PLA2G6: variants seen among roughly 807,000 people sequenced by gnomAD.
PLA2G6 encodes the protein 85/88 kDa calcium-independent phospholipase A2.
A neutral mutation model predicts 83.8 loss-of-function variants in PLA2G6; 62 were observed. The observed-to-expected ratio is 0.74, with a 90% CI of 0.60 to 0.91. The LOEUF (loss-of-function observed/expected upper bound fraction) is 0.91. Ranked by LOEUF, PLA2G6 falls within the 40% of genes least tolerant of loss-of-function variation. The pLI is 0.00. For missense variants in PLA2G6, 944 were observed against 1,102.0 expected (o/e 0.86, Z 2.03); for synonymous variants, 417 against 449.8 (o/e 0.93, Z 0.92).
intron 4 of PLA2G6, 108 bp downstream of exon 4, chr22:38,142,997 G>A (rs763150145): frequency 3.9e-6 from 4 of 1,017,662 alleles, no homozygotes; most frequent in East Asian, 4.7e-5. Context: ...AAGGACCAAT[G>A]GGGGACAGTG....
intron 14 of PLA2G6, among the ~76,000 whole-genome samples, chr22:38,114,770 C>T (rs191065433): frequency 9.6e-4 from 146 of 152,340 alleles, no homozygotes; most frequent in Non-Finnish European, 1.6e-3. Context: ...CTCAGGCTCC[C>T]GGCAGTGCTG....
chr22:38,115,792 A>G (rs2087154661), intron 13 of PLA2G6, 111 bp from the exon 14 acceptor site: 1 of 1,490,018 alleles, frequency 6.7e-7, no homozygotes, highest in Admixed American at 2.1e-5. Context: ...GGAAGAGGGG[A>G]GGCTGGGAAC....
rs775751955 is a variant in PLA2G6 at position 38,132,780 on chromosome 22, C to T, written c.1077+51G>A. 4 of 1,489,360 alleles carry T rather than the reference C, an allele frequency of 2.7e-6. No individual in the cohort carries two copies. The South Asian group carries it at 3.6e-5, about 14-fold the overall frequency. 92.3% of individuals were successfully genotyped at this position (1,489,360 alleles called of 1,614,324 possible). A position where few individuals can be genotyped will look rare whatever the true frequency, so the allele number is the denominator to read the frequency against. On this transcript the variant is annotated intron_variant, in intron 7 of 16. Transcript: ENST00000332509. This position sits in a 1 kb window ranked among gnomAD's most constrained non-coding sequence, Gnocchi z 5.0. ...GAGGGCTCCAGTCCGGACAGCCCTC[C>T]TGCATTCCCACCGGGGCCCCACAGG... is the stretch of plus-strand genomic sequence containing the variant.
At chr22:38,136,840 C>T (rs2088583809) in intron 5 of PLA2G6, 1 of 144,662 alleles carries the variant, frequency 6.9e-6, no homozygotes. Context: ...GAGCAAATTA[C>T]TTAATCTCTC....
intron 2 of PLA2G6, among the ~76,000 whole-genome samples, chr22:38,161,751 G>T (rs2090020388): frequency 6.6e-6 from 1 of 152,096 alleles, no homozygotes. Context: ...CAGCGAGACA[G>T]CAGCAGGGCT....
At chr22:38,113,898 C>A in intron 14 of PLA2G6, 1 of 624,984 alleles carries the variant, frequency 1.6e-6, no homozygotes. Flanking sequence ...AACAGGACCA[C>A]ACATACACCA....
intron 2 of PLA2G6, among the ~76,000 whole-genome samples, chr22:38,161,559 A>C (rs1360751504): frequency 6.6e-6 from 1 of 152,112 alleles, no homozygotes. Flanking sequence ...GTTATGTAGG[A>C]AAGAGGGGAG....
intron 12 of PLA2G6, among the ~76,000 whole-genome samples, chr22:38,118,055 G>T (rs2087312893): frequency 1.3e-5 from 2 of 150,038 alleles, no homozygotes; most frequent in East Asian, 1.9e-4. Context: ...AAAAAAGAAA[G>T]AAATAAGCCA....
intron 14 of PLA2G6, 140 bp downstream of exon 14, chr22:38,115,385 AAT>A: frequency 2.7e-6 from 2 of 751,676 alleles, no homozygotes; most frequent in South Asian, 3.0e-5. Flanking sequence ...CAGTGAGATC[AAT>A]TTGCCCTGTG....
intron 2 of PLA2G6, among the ~76,000 whole-genome samples, chr22:38,159,725 A>AAAGGAAGG (rs56181861): frequency 0.094 from 13,482 of 143,056 alleles, 797 homozygotes; most frequent in East Asian, 0.24. Context: ...GAGATAGATG[A>AAAGGAAGG]AAGGAAGGAA....
At chr22:38,136,740 C>CTTTTTTT (rs35788613) in intron 5 of PLA2G6, 5 of 118,590 alleles carry the variant, frequency 4.2e-5, no homozygotes, top group African/African-American at 1.3e-4. Flanking sequence ...CTCAATAAAG[C>CTTTTTTT]TTTTTTTTTT....
In PLA2G6 at chr22:38,128,942, C is replaced by T. The variant is rs2088038858; in HGVS notation, c.1186+512G>A. Reference sequence around the variant, plus strand: ...CTGCCCACAGTGACCCCCACAGCTGCTGAAACCCTCCAGAGCGGGCTCCAG... The same window carrying T: ...CTGCCCACAGTGACCCCCACAGCTGTTGAAACCCTCCAGAGCGGGCTCCAG... On this transcript the variant is annotated intron_variant, in intron 8 of 16. Transcript: ENST00000332509. The surrounding 1 kb of genome is among the most constrained non-coding windows in gnomAD (Gnocchi z 4.4). Among the ~76,000 whole-genome samples, 1 of 152,258 alleles carries T rather than the reference C, an allele frequency of 6.6e-6. No homozygotes were observed. Among genetic ancestry groups the T allele is most frequent in the Admixed American group, 6.5e-5 (1 of 15,294 alleles).
intron 2 of PLA2G6, among the ~76,000 whole-genome samples, chr22:38,162,543 T>G (rs976241422): frequency 2.2e-4 from 34 of 151,876 alleles, no homozygotes; most frequent in African/African-American, 7.7e-4. Flanking sequence ...GACTGGAAAG[T>G]GGGGTGCTTG....
At position 38,119,538 on chromosome 22, in the gene PLA2G6, A is replaced by T. The variant is rs913714845; in HGVS notation, c.1742+1221T>A. 5.4e-4 allele frequency among the ~76,000 whole-genome samples: 82 copies of T among 152,326 alleles called. 1 individual carries two copies. Among genetic ancestry groups the T allele is most frequent in the African/African-American group, 1.9e-3 (81 of 41,574 alleles). ...CAGCAAAGGGGTTTATGAACGAGAA[A>T]TAAAAAGCACAAACTAGGCTGGGCA... On this transcript the variant is annotated intron_variant, in intron 12 of 16. Coordinates refer to ENST00000332509, the MANE Select transcript of PLA2G6 (RefSeq NM_003560.4).
chr22:38,113,976 A>C, intron 14 of PLA2G6: 1 of 444,122 alleles, frequency 2.3e-6, no homozygotes, highest in South Asian at 1.9e-5. Context: ...AGGGGAGGAA[A>C]GGCAGACGGT....
intron 10 of PLA2G6, 35 bp downstream of exon 10, chr22:38,126,336 G>A (rs770908303): frequency 1.8e-5 from 27 of 1,531,994 alleles, no homozygotes; most frequent in Middle Eastern, 1.7e-4. Flanking sequence ...AAGCGCACAC[G>A]TTCCCCGCTC....
rs1602184745 is a variant in PLA2G6, at chr22:38,145,584, G to A, written c.279C>T (p.Pro93=). The change falls in exon 3 of 17, where the codon CCC becomes CCT. Residue 93 remains proline, a synonymous_variant. Transcript: ENST00000332509. ...GGACCTGAGGGGAGCTCTCATAGAA[G>A]GGTAGCAGCTGGGAAGAATACTGAT... ...NFHQYSSQLL[P]FYESSPQVLH... is the part of the protein sequence containing the mutation. The A allele has an allele frequency of 3.7e-6, 6 of 1,613,906 alleles. No individual in the cohort carries two copies. The highest frequency in any genetic ancestry group is 3.3e-4 in the Middle Eastern group (2 of 6,058).
Position 38,128,236 on chromosome 22 carries a change from C to A in PLA2G6, c.1348+33G>T, listed in dbSNP as rs749564381. The A allele has an allele frequency of 2.5e-6, 4 of 1,609,600 alleles. No homozygotes were observed. In the Admixed American group the frequency reaches 6.7e-5, roughly 27 times the overall value. ...TGTGATCCAGGGGCCTGGGAACCAG[C>A]TGGAGAAGAGGGAGTCGGGAGGCGA... On this transcript the variant is annotated intron_variant, in intron 9 of 16. Transcript: ENST00000332509. This position sits in a 1 kb window ranked among gnomAD's most constrained non-coding sequence, Gnocchi z 4.4.
chr22:38,153,635 CAAAA>C (rs1462467837), intron 2 of PLA2G6, among the ~76,000 whole-genome samples: 2 of 88,136 alleles, frequency 2.3e-5, no homozygotes, highest in Admixed American at 1.2e-4. Context: ...AACTCCGTCT[CAAAA>C]AAAAAAAAAA....
Sources: gnomAD v4.1 joint callset for allele counts (sites outside exome capture counted in the v4.1 genomes callset) on GRCh38, gnomAD v4.1.1 for gene constraint, Gnocchi (gnomAD v3.1) non-coding constraint, MANE v1.5 for transcripts, NCBI Gene and HGNC (gene_info 2026-07-23, HGNC 2026-07-21) for gene names.